PRR33: variants seen among roughly 807,000 people sequenced by gnomAD.
PRR33 encodes proline-rich protein 33.
In PRR33, 1 loss-of-function variant was observed where a neutral mutation model predicts 0.5. The observed-to-expected ratio is 2.18, with a 90% CI of 0.77 to 10.34. The LOEUF is 10.34. PRR33 is among the 30% of genes most tolerant of loss of function. The probability of loss-of-function intolerance (pLI) is 0.13; values close to 1 mark genes in which losing one functional copy is unlikely to be tolerated. For missense variants in PRR33, 552 were observed against 251.8 expected (o/e 2.19, Z -8.07); for synonymous variants, 226 against 110.0 (o/e 2.06, Z -6.60).
chr11:1,889,404 G>T (rs1162936174), exon 1 of PRR33: 1 of 690,120 alleles, frequency 1.4e-6, no homozygotes, highest in Non-Finnish European at 2.7e-6. Flanking sequence ...GGTCCGGGAG[G>T]CGGGGGCCCG....
At chr11:1,917,393 A>T in the PRR33 span, among the ~76,000 whole-genome samples, 1 of 151,896 alleles carries the variant, frequency 6.6e-6, no homozygotes, top group African/African-American at 2.4e-5. Context: ...CCTGCTCCCC[A>T]CTCCCTGGGC....
At chr11:1,911,690 G>C in the PRR33 span, among the ~76,000 whole-genome samples, 205 of 151,780 alleles carry the variant, frequency 1.4e-3, no homozygotes, top group African/African-American at 4.9e-3. Flanking sequence ...CAAAGTGCTG[G>C]GATTACAGGC....
At chr11:1,896,013 A>G (rs1296186152), upstream of PRR33, among the ~76,000 whole-genome samples, 1 of 152,166 alleles carries the variant, frequency 6.6e-6, no homozygotes, top group African/African-American at 2.4e-5. Context: ...GCCTGAAAAA[A>G]AGTCATCAGT....
chr11:1,896,848 C>T (rs1225099028), upstream of PRR33, among the ~76,000 whole-genome samples: 3 of 152,108 alleles, frequency 2.0e-5, no homozygotes, highest in East Asian at 1.9e-4. Context: ...AATCAGGAAC[C>T]GACGTTGGAT....
the PRR33 span, among the ~76,000 whole-genome samples, chr11:1,906,030 T>G: frequency 6.6e-6 from 1 of 151,118 alleles, no homozygotes. Flanking sequence ...CTCCCTCTGT[T>G]GCCCAGGCTG....
rs1024077870 is a variant in PRR33 at position 1,891,009 on chromosome 11, G to T, written c.-425C>A. The T allele has an allele frequency of 1.4e-4, 23 of 167,218 alleles. No homozygotes were observed. The highest frequency in any genetic ancestry group is 5.2e-4 in the African/African-American group (22 of 42,062). The allele number at this position is 167,218 out of a possible 1,614,324, so 10.4% of individuals were successfully genotyped here. A position where few individuals can be genotyped will look rare whatever the true frequency, so the allele number is the denominator to read the frequency against. On this transcript the variant is annotated 5_prime_UTR_variant, in exon 1 of 1. In the 5' UTR this introduces an upstream ATG that the reference lacks. Transcript: ENST00000640310. ...CCTGGCCAGCTGCTGGCCAAGCCCA[G>T]GGCTGGAAGAGCGGCTGCCCCCAGA...
chr11:1,894,909 C>A (rs1367355704), upstream of PRR33, among the ~76,000 whole-genome samples: 1 of 152,126 alleles, frequency 6.6e-6, no homozygotes, highest in African/African-American at 2.4e-5. Flanking sequence ...TTTCTTGTTG[C>A]AGTTGGAATG....
chr11:1,890,625 C>T, exon 1 of PRR33: 1 of 683,604 alleles, frequency 1.5e-6, no homozygotes, highest in South Asian at 1.5e-5. Flanking sequence ...TCAGGCCAGC[C>T]CTCCTCCCTC....
the PRR33 span, among the ~76,000 whole-genome samples, chr11:1,913,873 G>A: frequency 2.6e-5 from 4 of 152,196 alleles, no homozygotes; most frequent in Admixed American, 6.5e-5. Flanking sequence ...CTTTTCCCTC[G>A]TCATGCTGCC....
the PRR33 span, among the ~76,000 whole-genome samples, chr11:1,904,367 A>G: frequency 4.6e-5 from 7 of 152,036 alleles, no homozygotes; most frequent in South Asian, 1.5e-3. Context: ...CGTCTCTACT[A>G]AAATACAAAA....
chr11:1,915,545 GT>G, the PRR33 span, among the ~76,000 whole-genome samples: 1 of 110,010 alleles, frequency 9.1e-6, no homozygotes, highest in Admixed American at 1.1e-4. Context: ...GTGTGTGTGT[GT>G]TGTGGGGGGT....
chr11:1,914,277 A>ATG, the PRR33 span, among the ~76,000 whole-genome samples: 1 of 130,744 alleles, frequency 7.6e-6, no homozygotes, highest in African/African-American at 3.1e-5. Context: ...GATGTTCTGT[A>ATG]TGTGTGTGTG....
chr11:1,917,436 C>T, the PRR33 span, among the ~76,000 whole-genome samples: 4 of 152,214 alleles, frequency 2.6e-5, no homozygotes, highest in African/African-American at 9.6e-5. Flanking sequence ...CAGAACCCCC[C>T]CATCCCCCAA....
the PRR33 span, chr11:1,903,322 G>A: frequency 2.7e-5 from 4 of 149,730 alleles, no homozygotes; most frequent in African/African-American, 9.8e-5. Flanking sequence ...TGTGGAGCGG[G>A]GGGTGGGGGG....
At chr11:1,889,565 G>A in exon 1 of PRR33, 1 of 613,090 alleles carries the variant, frequency 1.6e-6, no homozygotes, top group East Asian at 2.8e-5. Flanking sequence ...GCCACGTCCA[G>A]CCACTGAGCC....
the PRR33 span, among the ~76,000 whole-genome samples, chr11:1,915,295 CTGTG>C: frequency 6.8e-6 from 1 of 147,648 alleles, no homozygotes; most frequent in African/African-American, 2.5e-5. Context: ...ATGTTATTCT[CTGTG>C]TGTGTGTTGT....
the PRR33 span, chr11:1,907,815 C>T: frequency 7.2e-5 from 11 of 152,118 alleles, no homozygotes; most frequent in African/African-American, 2.7e-4. Flanking sequence ...ATCTCACTGC[C>T]TTTTTTTCCT....
chr11:1,917,460 G>A, the PRR33 span, among the ~76,000 whole-genome samples: 2 of 152,186 alleles, frequency 1.3e-5, no homozygotes, highest in Admixed American at 6.5e-5. Flanking sequence ...CTGCCCTAGA[G>A]CCAAGGCCCC....
the PRR33 span, among the ~76,000 whole-genome samples, chr11:1,912,776 T>C: frequency 6.6e-6 from 1 of 151,998 alleles, no homozygotes; most frequent in South Asian, 2.1e-4. Context: ...GGCTAATTTA[T>C]TTTCATTTTT....
Sources: gnomAD v4.1 joint callset for allele counts (sites outside exome capture counted in the v4.1 genomes callset) on GRCh38, gnomAD v4.1.1 for gene constraint, MANE v1.5 for transcripts, NCBI Gene and HGNC (gene_info 2026-07-23, HGNC 2026-07-21) for gene names.